The following ITGA7 variants were observed in gnomAD, a reference collection of about 807,000 sequenced individuals.
ITGA7 encodes the protein integrin alpha-7.
Under a neutral mutation model 131.6 loss-of-function variants are expected in ITGA7, and 84 were observed. That is an observed-to-expected ratio of 0.64 (90% CI 0.54 to 0.77). The LOEUF is 0.77. Ranked by LOEUF, ITGA7 falls within the 30% of genes least tolerant of loss-of-function variation. ITGA7 has a pLI of 0.00. For synonymous variants in ITGA7, 548 were observed against 600.7 expected (o/e 0.91, Z 1.28); for missense variants, 1,399 against 1,482.9 (o/e 0.94, Z 0.93).
At chr12:55,703,502 A>G (rs1874541954) in intron 1 of ITGA7, among the ~76,000 whole-genome samples, 1 of 152,026 alleles carries the variant, frequency 6.6e-6, no homozygotes, top group Non-Finnish European at 1.5e-5. Context: ...GCCTGTTCCC[A>G]GCACCTGTTC....
intron 1 of ITGA7, among the ~76,000 whole-genome samples, 157 bp from the exon 2 acceptor site, chr12:55,703,335 G>T (rs1874489665): frequency 6.6e-6 from 1 of 152,028 alleles, no homozygotes; most frequent in African/African-American, 2.4e-5. Context: ...ACCCTGGCAA[G>T]GACAAATTAA....
chr12:55,699,818 G>T, intron 5 of ITGA7, 52 bp downstream of exon 5: 1 of 1,569,670 alleles, frequency 6.4e-7, no homozygotes, highest in Non-Finnish European at 8.6e-7. Context: ...CCTGGGGAAG[G>T]AGGGGAGGCT....
intron 1 of ITGA7, among the ~76,000 whole-genome samples, chr12:55,705,115 C>A (rs1014862092): frequency 6.6e-6 from 1 of 152,116 alleles, no homozygotes; most frequent in Admixed American, 6.6e-5. Flanking sequence ...GTTCACATCT[C>A]CTCTGGAGGC....
At chr12:55,705,120 G>A (rs1297322226) in intron 1 of ITGA7, among the ~76,000 whole-genome samples, 1 of 152,114 alleles carries the variant, frequency 6.6e-6, no homozygotes, top group African/African-American at 2.4e-5. Flanking sequence ...CATCTCCTCT[G>A]GAGGCCAAAA....
chr12:55,687,858 A>G, intron 24 of ITGA7, 113 bp downstream of exon 24: 1 of 1,376,274 alleles, frequency 7.3e-7, no homozygotes, highest in South Asian at 1.2e-5. Context: ...GCAAGTGTTC[A>G]GTGCAGATTT....
At position 55,694,967 on chromosome 12, in the gene ITGA7, A is replaced by T; in HGVS notation, c.2007T>A (p.Asp669Glu). The change falls in exon 15 of 25, where the codon GAT (aspartate) becomes GAA (glutamate). Residue 669 changes from aspartate (D) to glutamate (E), a missense_variant. By Grantham distance (45) the Asp-to-Glu change is conservative. Transcript: ENST00000257879. The surrounding 1 kb of genome is among the most constrained non-coding windows in gnomAD (Gnocchi z 5.3). ...CAAACAGGGCTGTTGTTCCATCCACATCCCTGGAGAGTCAGACCCCACTCC... is the reference window on the plus strand; with the variant it reads ...CAAACAGGGCTGTTGTTCCATCCACTTCCCTGGAGAGTCAGACCCCACTCC... ...SDTEFQPLPM[D>E]VDGTTALFAL... The T allele has an allele frequency of 6.2e-7, 1 of 1,613,050 alleles. No individual in the cohort carries two copies. The highest frequency in any genetic ancestry group is 8.5e-7 in the Non-Finnish European group (1 of 1,179,934).
chr12:55,685,199 G>C lies in ITGA7; in HGVS notation c.3273C>G (p.Phe1091Leu), dbSNP rs1388930015. The C allele has an allele frequency of 1.2e-6, 2 of 1,614,062 alleles. No homozygotes were observed. The highest frequency in any genetic ancestry group is 2.2e-5 in the East Asian group (1 of 44,892). Residue 1091 changes from phenylalanine (F) to leucine (L), a missense_variant, in exon 25 of 25, where the codon TTC becomes TTG. Physicochemically the swap from Phe to Leu is conservative, Grantham distance 22. Coordinates refer to ENST00000257879, the MANE Select transcript of ITGA7 (RefSeq NM_002206.3). Reference protein sequence around the residue: ...VKIPREDRQQFKEEKTGTILR... With the variant: ...VKIPREDRQQLKEEKTGTILR... ...GGATGGTGCCCGTCTTCTCCTCCTT[G>C]AACTGCTGTCGGTCTTCCCGAGGAA... is the stretch of plus-strand genomic sequence containing the variant.
At position 55,688,172 on chromosome 12, in the gene ITGA7, C is replaced by T. The variant is rs770379606; in HGVS notation, c.3057+30G>A. On this transcript the variant is annotated intron_variant, in intron 23 of 24. Coordinates refer to ENST00000257879, the MANE Select transcript of ITGA7 (RefSeq NM_002206.3). ...AGGGAGCAGGAAAGAAGAGAGTCCT[C>T]CCCACCTATCCCCCAACCCTGCAGC... 6 of 1,613,542 alleles carry T rather than the reference C, an allele frequency of 3.7e-6. No individual in the cohort carries two copies. The South Asian group carries it at 5.5e-5, about 15-fold the overall frequency.
chr12:55,707,703 TC>T lies in ITGA7; in HGVS notation c.-22del, dbSNP rs1401974548. On this transcript the variant is annotated 5_prime_UTR_variant, in exon 1 of 25. Coordinates refer to ENST00000257879, the MANE Select transcript of ITGA7 (RefSeq NM_002206.3). ...GCCATGGGACGATCCCTGCGCGAGC[TC>T]CCAGCGAATGCAAGGGAAATCTCGC... 1.3e-6 allele frequency: 2 copies of T among 1,555,370 alleles called. No homozygotes were observed. The highest frequency in any genetic ancestry group is 2.8e-5 in the African/African-American group (2 of 72,686).
At position 55,694,978 on chromosome 12, in the gene ITGA7, G is replaced by A. The variant is rs374198533; in HGVS notation, c.2004-8C>T. 1.4e-5 allele frequency: 23 copies of A among 1,612,374 alleles called. No individual in the cohort carries two copies. Among genetic ancestry groups the A allele is most frequent in the Non-Finnish European group, 1.8e-5 (21 of 1,179,858 alleles). On this transcript the variant is annotated splice_polypyrimidine_tract_variant and splice_region_variant and intron_variant, in intron 14 of 24. Transcript: ENST00000257879. This position sits in a 1 kb window ranked among gnomAD's most constrained non-coding sequence, Gnocchi z 5.3. ...GTTGTTCCATCCACATCCCTGGAGA[G>A]TCAGACCCCACTCCTGCTAAGTTCT...
rs754248532 is a variant in ITGA7 at position 55,707,687 on chromosome 12, C to G, written c.-5G>C. The G allele has an allele frequency of 8.9e-6, 14 of 1,565,718 alleles. No individual in the cohort carries two copies. In the South Asian group the frequency reaches 1.4e-4, roughly 16 times the overall value. On this transcript the variant is annotated 5_prime_UTR_variant, in exon 1 of 25. Coordinates refer to ENST00000257879, the MANE Select transcript of ITGA7 (RefSeq NM_002206.3). ...GCGGCTCCGAGCCCCGGCCATGGGA[C>G]GATCCCTGCGCGAGCTCCCAGCGAA...
At chr12:55,715,901 A>G, upstream of ITGA7, 1 of 970,008 alleles carries the variant, frequency 1.0e-6, no homozygotes, top group Non-Finnish European at 1.4e-6. Flanking sequence ...ATTAGAAAAT[A>G]CTTCTTCCAA....
intron 21 of ITGA7, among the ~76,000 whole-genome samples, chr12:55,690,428 T>C (rs1871176247): frequency 6.9e-6 from 1 of 145,796 alleles, no homozygotes; most frequent in South Asian, 2.4e-4. Context: ...TGAGATATCA[T>C]CTCACACCAG....
chr12:55,702,046 G>A (rs572725414), intron 3 of ITGA7, among the ~76,000 whole-genome samples: 98 of 152,210 alleles, frequency 6.4e-4, no homozygotes, highest in African/African-American at 2.3e-3. Context: ...ACGGAACTTT[G>A]CTCTTGTCTC....
rs764967030 is a variant in ITGA7, at chr12:55,700,001, G to A, written c.671-12C>T. 15 of 1,613,944 alleles carry A rather than the reference G, an allele frequency of 9.3e-6. No individual in the cohort carries two copies. The highest frequency in any genetic ancestry group is 2.2e-5 in the East Asian group (1 of 44,870). ...CACAAAAAGCAACCCTGTGGGGGGT[G>A]GGGTGAGACACCAGGGAGGGGACAT... On this transcript the variant is annotated splice_polypyrimidine_tract_variant and intron_variant, in intron 4 of 24. Coordinates refer to ENST00000257879, the MANE Select transcript of ITGA7 (RefSeq NM_002206.3).
At chr12:55,697,877 C>T in intron 8 of ITGA7, 55 bp from the exon 9 acceptor site, 3 of 1,614,134 alleles carry the variant, frequency 1.9e-6, no homozygotes, top group Non-Finnish European at 2.5e-6. Context: ...GCCTCTGCCT[C>T]CCCTGATGCC....
chr12:55,688,056 G>A lies in ITGA7; in HGVS notation c.3098C>T (p.Ala1033Val). ...MVYLDPMAVV[A>V]EGVPWWVILL... ...GATGACCCACCAGGGCACTCCTTCT[G>A]CCACCACAGCCATGGGGTCCAAGTA... Residue 1033 changes from alanine (A) to valine (V), a missense_variant, in exon 24 of 25, where the codon GCA becomes GTA. Physicochemically the swap from Ala to Val is moderately conservative, Grantham distance 64 (BLOSUM62 0). Transcript: ENST00000257879. 6.2e-7 allele frequency: 1 copy of A among 1,614,166 alleles called. No individual in the cohort carries two copies. Among genetic ancestry groups the A allele is most frequent in the Non-Finnish European group, 8.5e-7 (1 of 1,180,024 alleles).
At chr12:55,692,594 T>C (rs1395361197) in intron 21 of ITGA7, among the ~76,000 whole-genome samples, 4 of 152,176 alleles carry the variant, frequency 2.6e-5, no homozygotes, top group African/African-American at 9.7e-5. Flanking sequence ...ATAAACGTAA[T>C]GTGAATCAAT....
At position 55,697,700 on chromosome 12, in the gene ITGA7, G is replaced by T. The variant is rs142248173; in HGVS notation, c.1404C>A (p.Leu468=). Residue 468 remains leucine, a synonymous_variant, in exon 9 of 25, where the codon CTC becomes CTA. Coordinates refer to ENST00000257879, the MANE Select transcript of ITGA7 (RefSeq NM_002206.3). The part of the protein sequence containing the change: ...LVGSLADTAV[L]FRARPILHVS... ...AAAGGTTGAGAGGGGCTCACCTGAA[G>T]AGCACTGCGGTGTCAGCCAGGGAGC... 68 of 1,614,056 alleles carry T rather than the reference G, an allele frequency of 4.2e-5. No individual in the cohort carries two copies. The African/African-American group carries it at 8.8e-4, about 21-fold the overall frequency.
Sources: gnomAD v4.1 joint callset for allele counts (sites outside exome capture counted in the v4.1 genomes callset) on GRCh38, gnomAD v4.1.1 for gene constraint, Gnocchi (gnomAD v3.1) non-coding constraint, MANE v1.5 for transcripts, NCBI Gene and HGNC (gene_info 2026-07-23, HGNC 2026-07-21) for gene names.